KRT20: variants seen among roughly 807,000 people sequenced by gnomAD.
The protein encoded by KRT20 is keratin, type I cytoskeletal 20.
Under a neutral mutation model 43.0 loss-of-function variants are expected in KRT20, and 41 were observed. The ratio of observed to expected loss-of-function variants is 0.95; its 90% CI spans 0.74 to 1.24. The LOEUF (loss-of-function observed/expected upper bound fraction) is 1.24. KRT20 is among the 50% of genes most tolerant of loss of function. The pLI is 0.00. For missense variants in KRT20, 533 were observed against 521.2 expected, an observed-to-expected ratio of 1.02 and a Z score of -0.22; for synonymous variants, 207 against 200.6, an observed-to-expected ratio of 1.03 and a Z score of -0.27.
At chr17:40,881,478 C>T (rs2143309790) in intron 2 of KRT20, among the ~76,000 whole-genome samples, 1 of 152,256 alleles carries the variant, frequency 6.6e-6, no homozygotes, top group Middle Eastern at 3.4e-3. Context: ...TTCTCAAACT[C>T]CAGGACTCAA....
At chr17:40,881,227 C>CTGTGTGTGTGTGTGTGTGTGTGTG (rs34632722) in intron 2 of KRT20, among the ~76,000 whole-genome samples, 5 of 145,648 alleles carry the variant, frequency 3.4e-5, no homozygotes, top group African/African-American at 1.3e-4. Flanking sequence ...TACATACACA[C>CTGTGTGTGTGTGTGTGTGTGTGTG]TGTGTGTGTG....
Position 40,880,679 on chromosome 17 carries a change from CT to C in KRT20, c.564del (p.Asp189IlefsTer9). ...AGTTCTTCAATTTGAATCTCCAAATCTGTTTTATGTAGGGTTAGGTCATCAA... is the reference window on the plus strand; with the variant it reads ...AGTTCTTCAATTTGAATCTCCAAATCGTTTTATGTAGGGTTAGGTCATCAA... ...KVFDDLTLHK[T>X]DLEIQIEELN... On this transcript the variant is annotated frameshift_variant, in exon 3 of 8. Coordinates refer to ENST00000167588, the MANE Select transcript of KRT20 (RefSeq NM_019010.3). 1.2e-6 allele frequency: 2 copies of C among 1,612,730 alleles called. No homozygotes were observed. The highest frequency in any genetic ancestry group is 1.7e-6 in the Non-Finnish European group (2 of 1,179,494).
At chr17:40,876,533 A>G in intron 7 of KRT20, 75 bp from the exon 8 acceptor site, 1 of 859,134 alleles carries the variant, frequency 1.2e-6, no homozygotes, top group South Asian at 1.8e-5. Flanking sequence ...ACTTTAAATT[A>G]TTATTCTTTT....
chr17:40,882,203 ACT>A (rs938360141), intron 2 of KRT20, among the ~76,000 whole-genome samples: 4 of 151,924 alleles, frequency 2.6e-5, no homozygotes, highest in African/African-American at 9.7e-5. Flanking sequence ...TAGACACAAG[ACT>A]CTCTTTAGAT....
rs747281583 is a variant in KRT20 at position 40,880,693 on chromosome 17, G to A, written c.551C>T (p.Thr184Ile). Residue 184 changes from threonine to isoleucine, a missense_variant, in exon 3 of 8, where the codon ACC (threonine) becomes ATC (isoleucine). Physicochemically the swap from Thr to Ile is moderately conservative, Grantham distance 89. Transcript: ENST00000167588. Reference sequence around the variant, plus strand: ...AATCTCCAAATCTGTTTTATGTAGGGTTAGGTCATCAAAGACCTTATTCAG... The same window carrying A: ...AATCTCCAAATCTGTTTTATGTAGGATTAGGTCATCAAAGACCTTATTCAG... ...QGLNKVFDDL[T>I]LHKTDLEIQI... 7 of 1,610,076 alleles carry A rather than the reference G, an allele frequency of 4.3e-6. No individual in the cohort carries two copies. Among genetic ancestry groups the A allele is most frequent in the East Asian group, 2.2e-5 (1 of 44,820 alleles).
At chr17:40,881,013 G>A (rs1907572906) in intron 2 of KRT20, among the ~76,000 whole-genome samples, 1 of 152,072 alleles carries the variant, frequency 6.6e-6, no homozygotes, top group Admixed American at 6.5e-5. Context: ...AAATAATTTT[G>A]AACACTTCTA....
At position 40,876,409 on chromosome 17, in the gene KRT20, A is replaced by G; in HGVS notation, c.1227T>C (p.Asp409=). 1.2e-6 allele frequency: 2 copies of G among 1,613,484 alleles called. No homozygotes were observed. Among genetic ancestry groups the G allele is most frequent in the South Asian group, 2.2e-5 (2 of 91,028 alleles). The change falls in exon 8 of 8, where the codon GAT becomes GAC. Residue 409 remains aspartate, a synonymous_variant. Coordinates refer to ENST00000167588, the MANE Select transcript of KRT20 (RefSeq NM_019010.3). The stretch of plus-strand genomic sequence containing the variant: ...TGACTTCAGATGACACGACCTTGCC[A>G]TCCACTACTTCTTGCACGACTGTCT... ...KIKTVVQEVV[D]GKVVSSEVKE... is the part of the protein sequence containing the mutation.
rs1907395532 is a variant in KRT20, at chr17:40,877,386, C to A, written c.1171G>T (p.Glu391Ter). ...GCAAAAATTTAGAACTTACCTCTCT[C>A]TTCCAGGGTGCTTAACTGATATTCT... Reference protein sequence around the residue: ...TTEYQLSTLEERDIKKTRKIK... With the variant: ...TTEYQLSTLE Residue 391 changes from glutamate (E) to a stop codon, truncating the protein, a stop_gained, in exon 7 of 8, where the codon GAG becomes TAG. Coordinates refer to ENST00000167588, the MANE Select transcript of KRT20 (RefSeq NM_019010.3). LOFTEE classifies it low-confidence loss of function (END_TRUNC). 6.5e-7 allele frequency: 1 copy of A among 1,528,784 alleles called. No homozygotes were observed. Among genetic ancestry groups the A allele is most frequent in the Non-Finnish European group, 8.7e-7 (1 of 1,147,506 alleles). 94.7% of individuals were successfully genotyped at this position (1,528,784 alleles called of 1,614,324 possible). A position where few individuals can be genotyped will look rare whatever the true frequency, so the allele number is the denominator to read the frequency against.
intron 1 of KRT20, among the ~76,000 whole-genome samples, chr17:40,883,837 C>G (rs1907699196): frequency 6.6e-6 from 1 of 152,174 alleles, no homozygotes; most frequent in African/African-American, 2.4e-5. Flanking sequence ...TATTTAAATG[C>G]CATTGCTTCA....
chr17:40,885,166 C>G lies in KRT20; in HGVS notation c.20G>C (p.Ser7Thr), dbSNP rs200087499. The change falls in exon 1 of 8, where the codon AGC becomes ACC. Residue 7 changes from serine (S) to threonine (T), a missense_variant. Coordinates refer to ENST00000167588, the MANE Select transcript of KRT20 (RefSeq NM_019010.3). ...GGAGGAGCTCAGGCTTCTGTGGAAG[C>G]TTCTGCGACTGAAATCCATTGGAGA... MDFSRRSFHRSLSSSLQ... is the reference protein window; with the variant it reads MDFSRRTFHRSLSSSLQ... 3.7e-6 allele frequency: 6 copies of G among 1,602,808 alleles called. No homozygotes were observed. Among genetic ancestry groups the G allele is most frequent in the Non-Finnish European group, 3.4e-6 (4 of 1,175,162 alleles).
rs530969938 is a variant in KRT20, at chr17:40,879,852, G to A, written c.879C>T (p.Ser293=). ...EVQLTELRRT[S]QSLEIELQSH... is the part of the protein sequence containing the mutation. The stretch of plus-strand genomic sequence containing the variant: ...ACTGGAGTTCTATCTCAAGGCTCTG[G>A]GAGGTGCGTCTCAGCTCCGTTAGTT... Residue 293 remains serine, a synonymous_variant, in exon 5 of 8, where the codon TCC becomes TCT. Coordinates refer to ENST00000167588, the MANE Select transcript of KRT20 (RefSeq NM_019010.3). 14 of 1,613,034 alleles carry A rather than the reference G, an allele frequency of 8.7e-6. No homozygotes were observed. Among genetic ancestry groups the A allele is most frequent in the African/African-American group, 1.3e-5 (1 of 74,592 alleles).
intron 7 of KRT20, 46 bp downstream of exon 7, chr17:40,877,334 A>G (rs1333096359): frequency 7.2e-7 from 1 of 1,381,608 alleles, no homozygotes; most frequent in Non-Finnish European, 9.9e-7. Flanking sequence ...TAGTTAATAG[A>G]AAGCAGCTGA....
In KRT20 at chr17:40,884,691, C is replaced by T. The variant is rs1907728639; in HGVS notation, c.390+105G>A. ...AATTTTTATAGATGTAACATTTTAG[C>T]CTAATTTGCTTTACAAAGTCCATTT... On this transcript the variant is annotated intron_variant, in intron 1 of 7. Transcript: ENST00000167588. 2.3e-6 allele frequency: 3 copies of T among 1,280,650 alleles called. No homozygotes were observed. The Admixed American group carries it at 7.0e-5, about 30-fold the overall frequency. The allele number at this position is 1,280,650 out of a possible 1,614,324, so 79.3% of individuals were successfully genotyped here. A position where few individuals can be genotyped will look rare whatever the true frequency, so the allele number is the denominator to read the frequency against.
In KRT20 at chr17:40,881,227, C is replaced by CTGTGTGTGTGTGTGTGTGTG. The variant is rs34632722; in HGVS notation, c.474-477_474-458dup. On this transcript the variant is annotated intron_variant, in intron 2 of 7. Transcript: ENST00000167588. Reference sequence around the variant, plus strand: ...CCTCCTCTACAATCTTACATACACACTGTGTGTGTGTGTGTGTGTGTGTGT... The same window carrying CTGTGTGTGTGTGTGTGTGTG: ...CCTCCTCTACAATCTTACATACACACTGTGTGTGTGTGTGTGTGTGTGTGTGTGTGTGTGTGTGTGTGTGT... Among the ~76,000 whole-genome samples, 136 of 145,754 alleles carry CTGTGTGTGTGTGTGTGTGTG rather than the reference C, an allele frequency of 9.3e-4. 3 individuals carry two copies. The highest frequency in any genetic ancestry group is 3.4e-3 in the African/African-American group (132 of 39,266).
Position 40,884,883 on chromosome 17 carries a change from T to G in KRT20, c.303A>C (p.Gln101His). Residue 101 changes from glutamine (Q) to histidine (H), a missense_variant, in exon 1 of 8, where the codon CAA (glutamine) becomes CAC (histidine). By Grantham distance (24) the Gln-to-His change is conservative. Coordinates refer to ENST00000167588, the MANE Select transcript of KRT20 (RefSeq NM_019010.3). The stretch of plus-strand genomic sequence containing the variant: ...CGTTGGTTTCGTACCACTGCTTGAT[T>G]TGCACTTCAAGTTTGGAGTTGGACT... ...LEQSNSKLEV[Q>H]IKQWYETNAP... The G allele has an allele frequency of 6.2e-7, 1 of 1,614,204 alleles. No homozygotes were observed. Among genetic ancestry groups the G allele is most frequent in the South Asian group, 1.1e-5 (1 of 91,078 alleles).
In KRT20 at chr17:40,884,128, CT is replaced by C. The variant is rs3065571; in HGVS notation, c.390+667del. Among the ~76,000 whole-genome samples, 451 of 152,198 alleles carry C rather than the reference CT, an allele frequency of 3.0e-3. 1 individual carries two copies. The highest frequency in any genetic ancestry group is 4.7e-3 in the Non-Finnish European group (321 of 67,996). On this transcript the variant is annotated intron_variant, in intron 1 of 7. Transcript: ENST00000167588. Reference sequence around the variant, plus strand: ...AACTGATAAAATACAGAGCTCCACCCTTTTTTTGATGACATAGGAGGAGGTT... The same window carrying C: ...AACTGATAAAATACAGAGCTCCACCCTTTTTTGATGACATAGGAGGAGGTT...
chr17:40,880,507 T>C (rs1907546940), intron 3 of KRT20, 107 bp downstream of exon 3: 1 of 959,340 alleles, frequency 1.0e-6, no homozygotes. Flanking sequence ...TCTGTCACTA[T>C]CACCACCAAC....
intron 2 of KRT20, among the ~76,000 whole-genome samples, chr17:40,881,694 A>T (rs16966379): frequency 0.021 from 3,225 of 152,160 alleles, 35 homozygotes; most frequent in South Asian, 0.047. Flanking sequence ...AATCCCTTGG[A>T]GCATTAAAAG....
chr17:40,883,111 A>G (rs757381200), intron 1 of KRT20, among the ~76,000 whole-genome samples: 17 of 152,222 alleles, frequency 1.1e-4, no homozygotes, highest in Non-Finnish European at 2.4e-4. Context: ...AAGTATTTCT[A>G]CATGAAAATA....
Sources: gnomAD v4.1 joint callset for allele counts (sites outside exome capture counted in the v4.1 genomes callset) on GRCh38, gnomAD v4.1.1 for gene constraint, MANE v1.5 for transcripts, NCBI Gene and HGNC (gene_info 2026-07-23, HGNC 2026-07-21) for gene names.